SCAI: variants seen among roughly 807,000 people sequenced by gnomAD.
The protein encoded by SCAI is suppressor of cancer cell invasion.
In SCAI, 24 loss-of-function variants were observed where a neutral mutation model predicts 92.2. The observed-to-expected ratio is 0.26, with a 90% CI of 0.19 to 0.37. The LOEUF (loss-of-function observed/expected upper bound fraction) is 0.37, where lower values mean the gene tolerates loss of function less well. Ranked by LOEUF, SCAI falls within the 10% of genes least tolerant of loss-of-function variation. SCAI has a pLI of 1.00. For missense variants in SCAI, 450 were observed against 736.2 expected (o/e 0.61, Z 4.50); for synonymous variants, 261 against 258.6 (o/e 1.01, Z -0.09).
At chr9:125,089,508 TG>T (rs891127080) in intron 2 of SCAI, among the ~76,000 whole-genome samples, 15 of 152,268 alleles carry the variant, frequency 9.9e-5, no homozygotes, top group African/African-American at 3.6e-4. Context: ...TTACTCAAAA[TG>T]AGATCTATAG....
intron 14 of SCAI, among the ~76,000 whole-genome samples, chr9:124,989,232 A>G (rs563892947): frequency 6.6e-6 from 1 of 152,316 alleles, no homozygotes; most frequent in East Asian, 1.9e-4. Flanking sequence ...GTTTCCAGAC[A>G]CTGAAAATGT....
At chr9:125,090,148 A>C (rs1834401977) in intron 2 of SCAI, among the ~76,000 whole-genome samples, 1 of 152,252 alleles carries the variant, frequency 6.6e-6, no homozygotes. Flanking sequence ...AATAGTATAC[A>C]TACTAGGAGC....
chr9:125,043,069 T>C (rs1017645237), intron 3 of SCAI, among the ~76,000 whole-genome samples: 4 of 151,890 alleles, frequency 2.6e-5, no homozygotes, highest in Non-Finnish European at 5.9e-5. Flanking sequence ...GGTTTCGCCA[T>C]GTTGGCCAGG....
intron 2 of SCAI, among the ~76,000 whole-genome samples, chr9:125,109,650 CATTT>C (rs1224678860): frequency 6.1e-5 from 7 of 115,444 alleles, no homozygotes; most frequent in Admixed American, 1.8e-4. Flanking sequence ...TCAAGGTTTC[CATTT>C]ATCTATCTAT....
intron 2 of SCAI, among the ~76,000 whole-genome samples, chr9:125,130,826 A>C (rs1044516758): frequency 6.6e-6 from 1 of 150,480 alleles, no homozygotes; most frequent in Non-Finnish European, 1.5e-5. Flanking sequence ...TCTTCAAAAA[A>C]TAAATAGTAC....
At position 124,989,930 on chromosome 9, in the gene SCAI, G is replaced by A. The variant is rs183665904; in HGVS notation, c.1326+5004C>T. On this transcript the variant is annotated intron_variant, in intron 14 of 17. Coordinates refer to ENST00000336505, the MANE Select transcript of SCAI (RefSeq NM_001144877.3). Reference sequence around the variant, plus strand: ...TGGCTCACGCCTGTAATCCCAGCACGTTGGGAGGCCAAGGTGGGTGAATCA... The same window carrying A: ...TGGCTCACGCCTGTAATCCCAGCACATTGGGAGGCCAAGGTGGGTGAATCA... Among the ~76,000 whole-genome samples, 5 of 147,400 alleles carry A rather than the reference G, an allele frequency of 3.4e-5. No individual in the cohort carries two copies. The South Asian group carries it at 6.5e-4, about 19-fold the overall frequency.
At chr9:125,132,739 C>G (rs548606213) in intron 2 of SCAI, among the ~76,000 whole-genome samples, 210 of 152,160 alleles carry the variant, frequency 1.4e-3, no homozygotes, top group Non-Finnish European at 2.5e-3. Context: ...GAGGCCAAGG[C>G]AGGCAGATCA....
chr9:124,964,254 C>A (rs1831497779), intron 17 of SCAI, among the ~76,000 whole-genome samples: 1 of 152,166 alleles, frequency 6.6e-6, no homozygotes, highest in Admixed American at 6.6e-5. Flanking sequence ...CATGTCCACC[C>A]CACGTCATCT....
At chr9:125,120,641 T>G (rs953262780) in intron 2 of SCAI, among the ~76,000 whole-genome samples, 3 of 151,982 alleles carry the variant, frequency 2.0e-5, no homozygotes, top group Non-Finnish European at 2.9e-5. Context: ...TGCAGTGAAC[T>G]GAGATCGCAC....
chr9:125,010,137 C>G (rs1832602004), intron 9 of SCAI, among the ~76,000 whole-genome samples: 1 of 152,206 alleles, frequency 6.6e-6, no homozygotes, highest in Non-Finnish European at 1.5e-5. Context: ...GCATTTCCAT[C>G]TGAGGTACCG....
chr9:124,995,137 G>T, intron 13 of SCAI, 122 bp from the exon 14 acceptor site: 1 of 606,716 alleles, frequency 1.6e-6, no homozygotes. Context: ...ACAAAGACTA[G>T]TTAAGCAAAG....
At chr9:125,052,363 G>A (rs1167814739) in intron 3 of SCAI, among the ~76,000 whole-genome samples, 1 of 152,160 alleles carries the variant, frequency 6.6e-6, no homozygotes, top group Non-Finnish European at 1.5e-5. Flanking sequence ...CTGAGGTCAG[G>A]AGTTCTAGAC....
chr9:124,993,921 C>T (rs2131619802), intron 14 of SCAI, among the ~76,000 whole-genome samples: 1 of 152,214 alleles, frequency 6.6e-6, no homozygotes, highest in Non-Finnish European at 1.5e-5. Context: ...ACATTTTTCA[C>T]TAATCAAACA....
intron 5 of SCAI, among the ~76,000 whole-genome samples, chr9:125,027,574 C>T (rs1324596395): frequency 6.6e-6 from 1 of 151,966 alleles, no homozygotes; most frequent in Admixed American, 6.6e-5. Flanking sequence ...GGCTGGAGTG[C>T]CAATGGCATG....
At chr9:125,015,949 A>G in intron 9 of SCAI, among the ~76,000 whole-genome samples, 1 of 146,696 alleles carries the variant, frequency 6.8e-6, no homozygotes, top group East Asian at 2.0e-4. Context: ...CAAACACCGC[A>G]TCTTCTCACT....
intron 2 of SCAI, among the ~76,000 whole-genome samples, chr9:125,070,629 C>T (rs1833964071): frequency 6.6e-6 from 1 of 152,056 alleles, no homozygotes; most frequent in African/African-American, 2.4e-5. Flanking sequence ...GCACTCCTGA[C>T]CTCAAGTCAT....
chr9:125,046,040 C>A (rs550851774), intron 3 of SCAI, among the ~76,000 whole-genome samples: 20 of 151,000 alleles, frequency 1.3e-4, no homozygotes, highest in Non-Finnish European at 2.9e-4. Context: ...TTTGATCCAG[C>A]AATCCCACTA....
At chr9:125,072,922 T>G (rs1208732882) in intron 2 of SCAI, among the ~76,000 whole-genome samples, 2 of 151,958 alleles carry the variant, frequency 1.3e-5, no homozygotes, top group East Asian at 3.8e-4. Context: ...ATATTTTGCT[T>G]CTCCATTCAT....
intron 9 of SCAI, among the ~76,000 whole-genome samples, chr9:125,017,785 G>T (rs554021348): frequency 6.6e-6 from 1 of 152,072 alleles, no homozygotes; most frequent in South Asian, 2.1e-4. Flanking sequence ...GAGGCAGGAG[G>T]ATCACTTGAG....
Sources: allele counts gnomAD v4.1 joint callset (sites outside exome capture counted in the v4.1 genomes callset), GRCh38; gene constraint gnomAD v4.1.1; transcripts MANE v1.5; gene names NCBI Gene and HGNC (gene_info 2026-07-23, HGNC 2026-07-21).